CCDC195: variants seen among roughly 807,000 people sequenced by gnomAD.
The protein encoded by CCDC195 is coiled-coil domain containing 195, also known as coiled-coil domain-containing protein 195.
chr2:224,706,402 A>G (rs1697241123), intron 2 of CCDC195, among the ~76,000 whole-genome samples: 1 of 150,046 alleles, frequency 6.7e-6, no homozygotes, highest in South Asian at 2.1e-4. Flanking sequence ...ATGGGGTTTC[A>G]CCATATTGGT....
chr2:224,708,465 G>C, intron 2 of CCDC195, among the ~76,000 whole-genome samples: 1 of 151,610 alleles, frequency 6.6e-6, no homozygotes, highest in East Asian at 1.9e-4. Flanking sequence ...TGTCTGTTTC[G>C]TTCTACCTGG....
At chr2:224,704,610 C>CTTTTTTTTTTTT (rs55801561) in intron 2 of CCDC195, among the ~76,000 whole-genome samples, 8 of 110,642 alleles carry the variant, frequency 7.2e-5, no homozygotes, top group Non-Finnish European at 1.0e-4. Flanking sequence ...CTTTTCTTTT[C>CTTTTTTTTTTTT]TTTTTTTTTT....
chr2:224,712,159 G>C (rs1299855556), intron 1 of CCDC195, among the ~76,000 whole-genome samples: 1 of 152,154 alleles, frequency 6.6e-6, no homozygotes, highest in African/African-American at 2.4e-5. Context: ...CAAAGGGTCT[G>C]TGTCCTTCAG....
At chr2:224,712,971 C>T (rs1055970906) in intron 1 of CCDC195, among the ~76,000 whole-genome samples, 6 of 152,024 alleles carry the variant, frequency 3.9e-5, no homozygotes, top group South Asian at 2.1e-4. Flanking sequence ...CGGGTTCAAG[C>T]GGTTCTCCTG....
intron 1 of CCDC195, among the ~76,000 whole-genome samples, chr2:224,711,390 CAT>C (rs1689318761): frequency 7.5e-6 from 1 of 133,826 alleles, no homozygotes. Context: ...ATAATGAAAA[CAT>C]GTTGATTAAA....
intron 1 of CCDC195, among the ~76,000 whole-genome samples, chr2:224,715,617 A>C (rs1446498398): frequency 6.6e-6 from 1 of 152,260 alleles, no homozygotes; most frequent in Non-Finnish European, 1.5e-5. Context: ...CTTGTGAGAT[A>C]GGTACTATAA....
At chr2:224,704,034 G>A in intron 2 of CCDC195, 147 bp from the exon 3 acceptor site, 1 of 392,176 alleles carries the variant, frequency 2.5e-6, no homozygotes, top group Non-Finnish European at 4.5e-6. Context: ...TTGTTAAGTT[G>A]TTCAACAATG....
intron 2 of CCDC195, among the ~76,000 whole-genome samples, chr2:224,705,154 A>G (rs546714445): frequency 3.2e-4 from 48 of 152,244 alleles, no homozygotes; most frequent in African/African-American, 1.1e-3. Context: ...GTAAATGATG[A>G]TGGAGGTGGA....
At position 224,716,089 on chromosome 2, in the gene CCDC195, C is replaced by A. The variant is rs1424503433; in HGVS notation, c.235+42G>T. ...ACACTTAACTATTTCACGATATTTGCAAAATGGGCACAGCCCACAAGAGCT... is the reference window on the plus strand; with the variant it reads ...ACACTTAACTATTTCACGATATTTGAAAAATGGGCACAGCCCACAAGAGCT... On this transcript the variant is annotated intron_variant, in intron 1 of 2. Transcript: ENST00000638102. 2.0e-5 allele frequency: 8 copies of A among 398,226 alleles called. No homozygotes were observed. The East Asian group carries it at 2.1e-4, about 11-fold the overall frequency. The allele number at this position is 398,226 out of a possible 1,614,324, so 24.7% of individuals were successfully genotyped here.
intron 1 of CCDC195, among the ~76,000 whole-genome samples, chr2:224,713,485 G>T (rs1183148684): frequency 1.3e-5 from 2 of 152,120 alleles, no homozygotes; most frequent in African/African-American, 4.8e-5. Flanking sequence ...GGATTTTGCA[G>T]TTGGAATAGG....
chr2:224,704,217 C>T (rs566492979), intron 2 of CCDC195, among the ~76,000 whole-genome samples: 16 of 152,310 alleles, frequency 1.1e-4, no homozygotes, highest in African/African-American at 3.6e-4. Flanking sequence ...TGCGTCAAAT[C>T]TTCAGCTCAT....
intron 1 of CCDC195, among the ~76,000 whole-genome samples, chr2:224,713,853 G>T (rs1689350157): frequency 6.7e-6 from 1 of 148,594 alleles, no homozygotes; most frequent in Non-Finnish European, 1.5e-5. Context: ...CCAGGCTGGA[G>T]TACAGTGGTG....
At chr2:224,716,090 A>C (rs1301490820) in intron 1 of CCDC195, 41 bp downstream of exon 1, 3 of 398,166 alleles carry the variant, frequency 7.5e-6, no homozygotes, top group Non-Finnish European at 1.3e-5. Context: ...CGATATTTGC[A>C]AAATGGGCAC....
intron 2 of CCDC195, among the ~76,000 whole-genome samples, chr2:224,706,598 C>T (rs1697243394): frequency 1.4e-5 from 2 of 146,766 alleles, no homozygotes; most frequent in Non-Finnish European, 3.0e-5. Context: ...GCAAACTGTG[C>T]CTCCCAGGTT....
chr2:224,707,761 G>A (rs974958027), intron 2 of CCDC195, among the ~76,000 whole-genome samples: 1 of 152,134 alleles, frequency 6.6e-6, no homozygotes, highest in Non-Finnish European at 1.5e-5. Flanking sequence ...TATATTTATT[G>A]AATGAATGAA....
intron 1 of CCDC195, 79 bp downstream of exon 1, chr2:224,716,052 G>T: frequency 2.5e-6 from 1 of 397,674 alleles, no homozygotes; most frequent in Non-Finnish European, 4.4e-6. Flanking sequence ...ACAGTTATCT[G>T]ATCAGCACAA....
chr2:224,706,064 CTG>C (rs1222534725), intron 2 of CCDC195, among the ~76,000 whole-genome samples: 2 of 151,812 alleles, frequency 1.3e-5, no homozygotes, highest in African/African-American at 4.8e-5. Flanking sequence ...GATATATACA[CTG>C]TATAATTTCA....
At chr2:224,704,600 C>T (rs201944234) in intron 2 of CCDC195, among the ~76,000 whole-genome samples, 2,780 of 69,136 alleles carry the variant, frequency 0.04, 106 homozygotes, top group African/African-American at 0.16. Flanking sequence ...TTTTTTTTTT[C>T]TTTTCTTTTC....
intron 2 of CCDC195, 52 bp from the exon 3 acceptor site, chr2:224,703,939 A>G: frequency 5.0e-6 from 2 of 398,166 alleles, no homozygotes; most frequent in African/African-American, 2.1e-5. Flanking sequence ...GAGACTTTAT[A>G]TAGAACATTG....
Sources: gnomAD v4.1 joint callset for allele counts (sites outside exome capture counted in the v4.1 genomes callset) on GRCh38, gnomAD v4.1.1 for gene constraint, MANE v1.5 for transcripts, NCBI Gene and HGNC (gene_info 2026-07-23, HGNC 2026-07-21) for gene names.